Variants in LAPTM4A observed in about 807,000 individuals in gnomAD.
The protein encoded by LAPTM4A is lysosomal protein transmembrane 4 alpha, also known as lysosomal-associated transmembrane protein 4A.
In LAPTM4A, 19 loss-of-function variants were observed where a neutral mutation model predicts 29.9. The ratio of observed to expected loss-of-function variants is 0.64; its 90% CI spans 0.44 to 0.93. The LOEUF is 0.93. Ranked by LOEUF, LAPTM4A falls within the 40% of genes least tolerant of loss-of-function variation. The probability of loss-of-function intolerance (pLI) is 0.00; values close to 1 mark genes in which losing one functional copy is unlikely to be tolerated. For missense variants in LAPTM4A, 293 were observed against 288.5 expected (o/e 1.02, Z -0.11); for synonymous variants, 105 against 102.1 (o/e 1.03, Z -0.17).
chr2:20,048,868 T>G (rs1054880418), intron 1 of LAPTM4A, among the ~76,000 whole-genome samples: 4 of 152,230 alleles, frequency 2.6e-5, no homozygotes, highest in Admixed American at 6.5e-5. Flanking sequence ...TTCGAAGTAT[T>G]ATACTACAGT....
At chr2:20,037,516 G>T in intron 3 of LAPTM4A, 22 bp downstream of exon 3, 1 of 1,602,410 alleles carries the variant, frequency 6.2e-7, no homozygotes, top group Non-Finnish European at 8.5e-7. Flanking sequence ...AACTCTAAAA[G>T]ATGAAAATAC....
chr2:20,033,379 A>T (rs1673614580), intron 6 of LAPTM4A, 100 bp from the exon 7 acceptor site: 1 of 859,152 alleles, frequency 1.2e-6, no homozygotes, highest in African/African-American at 1.7e-5. Flanking sequence ...AGGGTTATAC[A>T]AAACCATAAA....
intron 1 of LAPTM4A, among the ~76,000 whole-genome samples, chr2:20,050,664 A>G (rs1467049503): frequency 6.6e-6 from 1 of 152,190 alleles, no homozygotes; most frequent in Non-Finnish European, 1.5e-5. Flanking sequence ...CTTGGTTAGG[A>G]CAGAATCACA....
chr2:20,046,962 T>C (rs1352377865), intron 1 of LAPTM4A, among the ~76,000 whole-genome samples: 1 of 150,998 alleles, frequency 6.6e-6, no homozygotes, highest in African/African-American at 2.4e-5. Flanking sequence ...AACATCTTGC[T>C]GTAGAGAGAA....
chr2:20,036,561 A>C (rs1673680755), intron 4 of LAPTM4A, among the ~76,000 whole-genome samples: 1 of 152,232 alleles, frequency 6.6e-6, no homozygotes, highest in Non-Finnish European at 1.5e-5. Context: ...TTCTGAATAA[A>C]TGAATGATGA....
chr2:20,047,696 C>CAAAAAAAAAAAAAAAAAAAAAAAAAG (rs61601787), intron 1 of LAPTM4A, among the ~76,000 whole-genome samples: 2 of 76,728 alleles, frequency 2.6e-5, no homozygotes, highest in African/African-American at 1.0e-4. Flanking sequence ...GACTCCGTCT[C>CAAAAAAAAAAAAAAAAAAAAAAAAAG]AAAAAAAAAA....
At chr2:20,035,738 G>C (rs569725229) in intron 4 of LAPTM4A, among the ~76,000 whole-genome samples, 2 of 152,300 alleles carry the variant, frequency 1.3e-5, no homozygotes, top group South Asian at 4.1e-4. Flanking sequence ...ATACCTTCCA[G>C]TCTGAGGCAC....
In LAPTM4A at chr2:20,040,628, A is replaced by G. The variant is rs148616456; in HGVS notation, c.232+263T>C. 3.8e-3 allele frequency among the ~76,000 whole-genome samples: 580 copies of G among 152,196 alleles called. 3 individuals carry two copies. Among genetic ancestry groups the G allele is most frequent in the Non-Finnish European group, 6.7e-3 (456 of 68,000 alleles). On this transcript the variant is annotated intron_variant, in intron 2 of 6. Coordinates refer to ENST00000175091, the MANE Select transcript of LAPTM4A (RefSeq NM_014713.5). ...TATATTTTTCCATCTTTAGATACAC[A>G]CCTATTTGCCACTGTATGATAACTG...
intron 1 of LAPTM4A, among the ~76,000 whole-genome samples, chr2:20,047,451 G>A (rs556925906): frequency 3.2e-4 from 48 of 150,174 alleles, no homozygotes; most frequent in African/African-American, 1.0e-3. Context: ...AGCACTTTGG[G>A]AGGCCGAGGC....
At chr2:20,040,861 GA>G (rs773032249) in intron 2 of LAPTM4A, 29 bp downstream of exon 2, 6 of 1,603,608 alleles carry the variant, frequency 3.7e-6, no homozygotes, top group African/African-American at 2.7e-5. Context: ...TAGCAGGGGA[GA>G]TTTTTTTGTT....
At chr2:20,045,426 G>T (rs1673896275) in intron 1 of LAPTM4A, among the ~76,000 whole-genome samples, 1 of 149,610 alleles carries the variant, frequency 6.7e-6, no homozygotes, top group Non-Finnish European at 1.5e-5. Flanking sequence ...TCATGCCATT[G>T]CACACCAGCA....
At chr2:20,046,712 A>G (rs1673927480) in intron 1 of LAPTM4A, among the ~76,000 whole-genome samples, 1 of 143,054 alleles carries the variant, frequency 7.0e-6, no homozygotes, top group South Asian at 2.2e-4. Context: ...TGTTTTATAT[A>G]TATTTATATA....
chr2:20,039,304 G>T (rs1234128227), intron 2 of LAPTM4A, among the ~76,000 whole-genome samples: 1 of 152,160 alleles, frequency 6.6e-6, no homozygotes, highest in African/African-American at 2.4e-5. Context: ...TTTCTTAGAG[G>T]ATACAGGATT....
intron 2 of LAPTM4A, 107 bp from the exon 3 acceptor site, chr2:20,037,721 T>C (rs1248081469): frequency 1.4e-6 from 1 of 694,468 alleles, no homozygotes; most frequent in Non-Finnish European, 2.2e-6. Flanking sequence ...TTTTCAAAAT[T>C]GGCTATAAAA....
chr2:20,040,919 A>G lies in LAPTM4A; in HGVS notation c.204T>C (p.Gly68=), dbSNP rs1329216716. 1 of 1,613,798 alleles carries G rather than the reference A, an allele frequency of 6.2e-7. No individual in the cohort carries two copies. The highest frequency in any genetic ancestry group is 2.2e-5 in the East Asian group (1 of 44,874). The change falls in exon 2 of 7, where the codon GGT becomes GGC. Residue 68 remains glycine (G), a synonymous_variant. Transcript: ENST00000175091. ...PAVNIQYEVI[G]NYYSSERMAD... ...CCATTCTCTCAGACGAATAGTAATTACCGATGACTTCATACTGAATGTTGA... is the reference window on the plus strand; with the variant it reads ...CCATTCTCTCAGACGAATAGTAATTGCCGATGACTTCATACTGAATGTTGA...
rs1484975782 is a variant in LAPTM4A at position 20,041,160 on chromosome 2, A to C, written c.112-149T>G. On this transcript the variant is annotated intron_variant, in intron 1 of 6. Transcript: ENST00000175091. ...GGGAGACTACCTGTGAGATAAAACA[A>C]TACGCAATTACCACTATGAGAATAA... The C allele has an allele frequency of 5.1e-6, 3 of 591,098 alleles. No homozygotes were observed. In the African/African-American group the frequency reaches 5.6e-5, roughly 11 times the overall value. 36.6% of individuals were successfully genotyped at this position (591,098 alleles called of 1,614,324 possible).
At chr2:20,047,028 C>CTGAGTACT (rs1673938923) in intron 1 of LAPTM4A, among the ~76,000 whole-genome samples, 1 of 151,722 alleles carries the variant, frequency 6.6e-6, no homozygotes, top group Admixed American at 6.6e-5. Flanking sequence ...TTAATAAGTA[C>CTGAGTACT]ATACAAGAAG....
intron 4 of LAPTM4A, among the ~76,000 whole-genome samples, chr2:20,036,074 A>C (rs1673670463): frequency 6.6e-6 from 1 of 152,190 alleles, no homozygotes. Flanking sequence ...TCATGAGGGA[A>C]TGCTATGCTA....
chr2:20,051,475 T>G lies in LAPTM4A; in HGVS notation c.46A>C (p.Ser16Arg). The G allele has an allele frequency of 6.2e-7, 1 of 1,613,338 alleles. No homozygotes were observed. The highest frequency in any genetic ancestry group is 1.1e-5 in the South Asian group (1 of 90,876). Reference protein sequence around the residue: ...FKRNRSDRFYSTRCCGCCHVR... With the variant: ...FKRNRSDRFYRTRCCGCCHVR... Reference sequence around the variant, plus strand: ...TGGCAACAGCCGCAGCACCGGGTGCTGTAGAACCGGTCACTGCGGTTCCGC... The same window carrying G: ...TGGCAACAGCCGCAGCACCGGGTGCGGTAGAACCGGTCACTGCGGTTCCGC... Residue 16 changes from serine (S) to arginine (R), a missense_variant, in exon 1 of 7, where the codon AGC (serine) becomes CGC (arginine). Ser to Arg is a moderately radical substitution (Grantham distance 110). Coordinates refer to ENST00000175091, the MANE Select transcript of LAPTM4A (RefSeq NM_014713.5).
Sources: allele counts gnomAD v4.1 joint callset (sites outside exome capture counted in the v4.1 genomes callset), GRCh38; gene constraint gnomAD v4.1.1; transcripts MANE v1.5; gene names NCBI Gene and HGNC (gene_info 2026-07-23, HGNC 2026-07-21).